The following POLN variants were observed in gnomAD, a reference collection of about 807,000 sequenced individuals.
POLN encodes the protein DNA polymerase nu.
Under a neutral mutation model 113.5 loss-of-function variants are expected in POLN, and 108 were observed. The observed-to-expected ratio is 0.95, with a 90% CI of 0.81 to 1.12. The LOEUF is 1.12. POLN is among the 50% of genes most tolerant of loss of function. The pLI, the probability that POLN is intolerant of heterozygous loss-of-function variation, is 0.00. For synonymous variants in POLN, 386 were observed against 391.5 expected, an observed-to-expected ratio of 0.99 and a Z score of 0.17; for missense variants, 1,097 against 1,077.1, an observed-to-expected ratio of 1.02 and a Z score of -0.26.
intron 19 of POLN, among the ~76,000 whole-genome samples, chr4:2,117,304 T>G (rs1187334221): frequency 6.6e-6 from 1 of 152,230 alleles, no homozygotes; most frequent in Non-Finnish European, 1.5e-5. Context: ...GGAAGTATAC[T>G]CTTCATTTAG....
rs748860443 is a variant in POLN, at chr4:2,073,041, AAG to A, written c.2456-14_2456-13del. 15 of 1,612,818 alleles carry A rather than the reference AAG, an allele frequency of 9.3e-6. No individual in the cohort carries two copies. The highest frequency in any genetic ancestry group is 1.2e-5 in the Non-Finnish European group (14 of 1,179,720). On this transcript the variant is annotated splice_polypyrimidine_tract_variant and intron_variant, in intron 24 of 25. Coordinates refer to ENST00000511885, the MANE Select transcript of POLN (RefSeq NM_181808.4). ...CCTCCTGACGAGAGCTAGAGTGCGG[AAG>A]AGAGAGGAGGCCCTGCTGGTCTCTT...
At chr4:2,148,103 G>A (rs1162041040) in intron 16 of POLN, among the ~76,000 whole-genome samples, 2 of 152,156 alleles carry the variant, frequency 1.3e-5, no homozygotes, top group Non-Finnish European at 2.9e-5. Flanking sequence ...ACAGTATAAC[G>A]AGCACTATGC....
At position 2,208,025 on chromosome 4, in the gene POLN, T is replaced by C. The variant is rs1733895104; in HGVS notation, c.676A>G (p.Met226Val). The C allele has an allele frequency of 6.2e-7, 1 of 1,614,008 alleles. No homozygotes were observed. Residue 226 changes from methionine (M) to valine (V), a missense_variant, in exon 5 of 26, where the codon ATG (methionine) becomes GTG (valine). Physicochemically the swap from Met to Val is conservative, Grantham distance 21. Coordinates refer to ENST00000511885, the MANE Select transcript of POLN (RefSeq NM_181808.4). ...KQAAALVITV[M>V]YTDGSTQLGA... Reference sequence around the variant, plus strand: ...AGCTGGGTGGAACCATCAGTATACATCACAGTTATCACCAGGGCTGCTGCC... The same window carrying C: ...AGCTGGGTGGAACCATCAGTATACACCACAGTTATCACCAGGGCTGCTGCC...
At chr4:2,211,898 G>C (rs968775643) in intron 4 of POLN, among the ~76,000 whole-genome samples, 1 of 151,998 alleles carries the variant, frequency 6.6e-6, no homozygotes, top group Admixed American at 6.6e-5. Context: ...GGGATCCAAG[G>C]AGCACAGTCT....
chr4:2,140,567 C>G (rs1731974057), intron 16 of POLN, among the ~76,000 whole-genome samples: 1 of 152,074 alleles, frequency 6.6e-6, no homozygotes, highest in Non-Finnish European at 1.5e-5. Context: ...GCCACCATGG[C>G]AGAGCCCCAT....
chr4:2,174,883 C>T (rs1031669259), intron 9 of POLN, 132 bp from the exon 10 acceptor site: 7 of 620,368 alleles, frequency 1.1e-5, no homozygotes, highest in Admixed American at 2.9e-5. Flanking sequence ...AGTGCAGTGG[C>T]GTGATCTCAG....
At position 2,093,958 on chromosome 4, in the gene POLN, G is replaced by A. The variant is rs1035047993; in HGVS notation, c.2065+1893C>T. ...CTATCTTTGAGGTACTCATGTTTGA[G>A]CTGGGGCATGAGACCATGAACAGGC... is the stretch of plus-strand genomic sequence containing the variant. On this transcript the variant is annotated intron_variant, in intron 20 of 25. Transcript: ENST00000511885. The surrounding 1 kb of genome is among the most constrained non-coding windows in gnomAD (Gnocchi z 4.1). 9.2e-5 allele frequency among the ~76,000 whole-genome samples: 14 copies of A among 152,198 alleles called. No homozygotes were observed. The highest frequency in any genetic ancestry group is 3.4e-4 in the African/African-American group (14 of 41,432).
intron 23 of POLN, chr4:2,080,176 G>C: frequency 5.1e-6 from 5 of 986,594 alleles, no homozygotes; most frequent in Non-Finnish European, 6.0e-6. Flanking sequence ...CGCACAAGGA[G>C]AACGAGGAGA....
intron 19 of POLN, among the ~76,000 whole-genome samples, chr4:2,109,584 G>C (rs1469220100): frequency 6.6e-6 from 1 of 151,968 alleles, no homozygotes; most frequent in Non-Finnish European, 1.5e-5. Context: ...TTAAAATTTA[G>C]GATTACTATA....
At chr4:2,233,929 G>A (rs896141493) in intron 2 of POLN, among the ~76,000 whole-genome samples, 2 of 151,994 alleles carry the variant, frequency 1.3e-5, no homozygotes, top group African/African-American at 4.8e-5. Flanking sequence ...AAAAAAAAGT[G>A]TATATACCAC....
chr4:2,089,348 A>G, intron 20 of POLN: 3 of 1,388,838 alleles, frequency 2.2e-6, no homozygotes, highest in Non-Finnish European at 3.0e-6. Context: ...GAAGACTGAC[A>G]GTGATTTGCT....
intron 2 of POLN, chr4:2,238,580 A>T (rs746520264): frequency 7.8e-6 from 11 of 1,415,402 alleles, no homozygotes; most frequent in Non-Finnish European, 9.5e-6. Flanking sequence ...AATATTTACT[A>T]AAGAAACAAT....
intron 21 of POLN, among the ~76,000 whole-genome samples, chr4:2,083,785 CTG>C (rs1376922916): frequency 6.6e-6 from 1 of 152,276 alleles, no homozygotes; most frequent in Non-Finnish European, 1.5e-5. Context: ...GCTCAACCGG[CTG>C]TGGCCCCACT....
In POLN at chr4:2,081,764, G is replaced by A. The variant is rs1730427128; in HGVS notation, c.2198-21C>T. 3 of 1,605,004 alleles carry A rather than the reference G, an allele frequency of 1.9e-6. No individual in the cohort carries two copies. In the African/African-American group the frequency reaches 4.0e-5, roughly 21 times the overall value. ...ACAGCCTGAGTCACACAGAGCAAAAGTAGATGAGGGACAGAAACAGGCACC... is the reference window on the plus strand; with the variant it reads ...ACAGCCTGAGTCACACAGAGCAAAAATAGATGAGGGACAGAAACAGGCACC... On this transcript the variant is annotated intron_variant, in intron 21 of 25. Coordinates refer to ENST00000511885, the MANE Select transcript of POLN (RefSeq NM_181808.4).
intron 19 of POLN, among the ~76,000 whole-genome samples, chr4:2,115,229 T>TATA (rs1553895279): frequency 0.013 from 416 of 30,824 alleles, 2 homozygotes; most frequent in Non-Finnish European, 0.021. Flanking sequence ...TATATATATA[T>TATA]TTTTTTTTTT....
intron 6 of POLN, among the ~76,000 whole-genome samples, chr4:2,198,148 A>G (rs1449415049): frequency 6.6e-6 from 1 of 152,246 alleles, no homozygotes; most frequent in Non-Finnish European, 1.5e-5. Context: ...GTTTGCAGGC[A>G]GTGATAACTT....
intron 3 of POLN, among the ~76,000 whole-genome samples, chr4:2,216,440 C>A (rs137940463): frequency 6.6e-6 from 1 of 152,284 alleles, no homozygotes; most frequent in East Asian, 1.9e-4. Context: ...CAGACTGCAC[C>A]CTGGAGGTGA....
intron 13 of POLN, 23 bp downstream of exon 13, chr4:2,170,656 A>C (rs1732837639): frequency 6.3e-7 from 1 of 1,593,936 alleles, no homozygotes; most frequent in Non-Finnish European, 8.6e-7. Flanking sequence ...CTAAAAAGAA[A>C]AAGGATAACT....
rs956625538 is a variant in POLN, at chr4:2,119,383, T to C, written c.1982+8730A>G. Among the ~76,000 whole-genome samples, 9 of 150,496 alleles carry C rather than the reference T, an allele frequency of 6.0e-5. No individual in the cohort carries two copies. The Admixed American group carries it at 6.0e-4, about 10-fold the overall frequency. On this transcript the variant is annotated intron_variant, in intron 19 of 25. Coordinates refer to ENST00000511885, the MANE Select transcript of POLN (RefSeq NM_181808.4). ...ATGTCTTGGACCCCGAAGTGCATAA[T>C]GGCTGTGTCTTTTGCTTGTGTGTGT...
Sources: allele counts gnomAD v4.1 joint callset (sites outside exome capture counted in the v4.1 genomes callset), GRCh38; gene constraint gnomAD v4.1.1; non-coding constraint Gnocchi (gnomAD v3.1); transcripts MANE v1.5; gene names NCBI Gene and HGNC (gene_info 2026-07-23, HGNC 2026-07-21).